Variants in CSMD3 observed in about 807,000 individuals in gnomAD.
The protein encoded by CSMD3 is CUB and sushi domain-containing protein 3.
CSMD3 carries 177 observed loss-of-function variants against 435.2 expected under a neutral mutation model. The observed-to-expected ratio is 0.41, with a 90% CI of 0.36 to 0.46. CSMD3 has a LOEUF of 0.46. Among genes scored for constraint, CSMD3 ranks in the 20% least tolerant of loss-of-function variants. The probability of loss-of-function intolerance (pLI) is 0.34; values close to 1 mark genes in which losing one functional copy is unlikely to be tolerated. For synonymous variants in CSMD3, 1,656 were observed against 1,520.5 expected, an observed-to-expected ratio of 1.09 and a Z score of -2.07; for missense variants, 4,265 against 4,504.6, an observed-to-expected ratio of 0.95 and a Z score of 1.52.
At chr8:112,282,071 C>T (rs989792929) in intron 58 of CSMD3, among the ~76,000 whole-genome samples, 13 of 152,086 alleles carry the variant, frequency 8.5e-5, no homozygotes, top group South Asian at 4.1e-4. Flanking sequence ...ATATATCAAA[C>T]GTAATACTTA....
intron 7 of CSMD3, among the ~76,000 whole-genome samples, chr8:112,966,616 C>A (rs1029970573): frequency 1.3e-5 from 2 of 151,458 alleles, no homozygotes; most frequent in African/African-American, 4.8e-5. Context: ...AAATAACAAC[C>A]ATTTTAAAGT....
chr8:113,355,928 G>A (rs1326837544), intron 1 of CSMD3, among the ~76,000 whole-genome samples: 2 of 150,456 alleles, frequency 1.3e-5, no homozygotes, highest in African/African-American at 4.9e-5. Context: ...CTGAGTAGAA[G>A]TGGAATTGTA....
At chr8:113,049,780 C>G (rs953040710) in intron 5 of CSMD3, among the ~76,000 whole-genome samples, 1 of 152,072 alleles carries the variant, frequency 6.6e-6, no homozygotes, top group African/African-American at 2.4e-5. Flanking sequence ...TATTTATTTT[C>G]TGTTTATAAT....
intron 13 of CSMD3, among the ~76,000 whole-genome samples, chr8:112,789,293 A>C (rs2078629086): frequency 6.6e-6 from 1 of 152,074 alleles, no homozygotes. Flanking sequence ...ATTGAGTGCA[A>C]TATTTTTGGA....
At chr8:112,833,592 C>A (rs1446324377) in intron 11 of CSMD3, among the ~76,000 whole-genome samples, 1 of 151,750 alleles carries the variant, frequency 6.6e-6, no homozygotes, top group African/African-American at 2.4e-5. Flanking sequence ...TCTTAACTTT[C>A]TTGGATATCT....
At chr8:112,893,322 T>C (rs1390442062) in intron 10 of CSMD3, among the ~76,000 whole-genome samples, 1 of 151,500 alleles carries the variant, frequency 6.6e-6, no homozygotes, top group Non-Finnish European at 1.5e-5. Flanking sequence ...AAGTCATTGA[T>C]TACCTGGTAA....
intron 4 of CSMD3, among the ~76,000 whole-genome samples, chr8:113,111,570 G>C (rs751951594): frequency 6.6e-6 from 1 of 152,124 alleles, no homozygotes; most frequent in African/African-American, 2.4e-5. Context: ...TGTGTGTTTA[G>C]TTCTATGCAA....
intron 11 of CSMD3, among the ~76,000 whole-genome samples, chr8:112,842,590 T>C (rs541803485): frequency 2.0e-5 from 3 of 151,916 alleles, no homozygotes; most frequent in South Asian, 4.2e-4. Flanking sequence ...GCATATCTCA[T>C]ATTATCCTTT....
In CSMD3 at chr8:112,269,466, T is replaced by C. The variant is rs117378636; in HGVS notation, c.9509-3876A>G. 3.3e-4 allele frequency among the ~76,000 whole-genome samples: 50 copies of C among 152,232 alleles called. No homozygotes were observed. The East Asian group carries it at 6.0e-3, about 18-fold the overall frequency. ...TCCAGTCAGTTTTCTAAAAATATCA[T>C]CCAAGAAAATGAATAAGCACATGTC... On this transcript the variant is annotated intron_variant, in intron 59 of 70. Coordinates refer to ENST00000297405, the MANE Select transcript of CSMD3 (RefSeq NM_198123.2).
chr8:113,227,066 G>A (rs1187329239), intron 3 of CSMD3, among the ~76,000 whole-genome samples: 1 of 151,426 alleles, frequency 6.6e-6, no homozygotes, highest in African/African-American at 2.4e-5. Flanking sequence ...ATAAGCAAAA[G>A]GACTTGCTCT....
At chr8:112,836,685 G>A (rs1211497549) in intron 11 of CSMD3, among the ~76,000 whole-genome samples, 1 of 151,834 alleles carries the variant, frequency 6.6e-6, no homozygotes, top group Non-Finnish European at 1.5e-5. Context: ...ATGTTGAGAT[G>A]TCCAGAACCT....
At chr8:113,052,219 C>T (rs1364622594) in intron 5 of CSMD3, among the ~76,000 whole-genome samples, 1 of 152,154 alleles carries the variant, frequency 6.6e-6, no homozygotes, top group African/African-American at 2.4e-5. Context: ...ATCTTTATTA[C>T]ATTAAAATTC....
Position 112,270,343 on chromosome 8 carries a change from A to AGTGTGTGTGTGT in CSMD3, c.9509-4765_9509-4754dup, listed in dbSNP as rs10577337. Among the ~76,000 whole-genome samples the AGTGTGTGTGTGT allele has an allele frequency of 8.2e-4, 102 of 124,310 alleles. 1 individual carries two copies. Among genetic ancestry groups the AGTGTGTGTGTGT allele is most frequent in the Non-Finnish European group, 1.4e-3 (83 of 57,282 alleles). The allele number at this position is 124,310 out of a possible 152,430, so 81.6% of individuals were successfully genotyped here. On this transcript the variant is annotated intron_variant, in intron 59 of 70. Transcript: ENST00000297405. ...AGAATTTCTAAAAAACAGAGGGGTGAGTGTGTGTGTGTGTGTGTGTGTGTG... is the reference window on the plus strand; with the variant it reads ...AGAATTTCTAAAAAACAGAGGGGTGAGTGTGTGTGTGTGTGTGTGTGTGTGTGTGTGTGTGTG...
At position 112,983,960 on chromosome 8, in the gene CSMD3, G is replaced by T. The variant is rs141115483; in HGVS notation, c.1031-7812C>A. ...AAAAACGTCTTACTTTCCTGCAACA[G>T]ACATTTTGTAGAGCATTTGGTATTC... On this transcript the variant is annotated intron_variant, in intron 6 of 70. Transcript: ENST00000297405. Among the ~76,000 whole-genome samples the T allele has an allele frequency of 6.6e-3, 1,004 of 152,078 alleles. 12 individuals are homozygous for T. The highest frequency in any genetic ancestry group is 0.023 in the African/African-American group (963 of 41,528).
chr8:112,236,318 T>C (rs770065184), intron 67 of CSMD3, among the ~76,000 whole-genome samples: 66 of 152,160 alleles, frequency 4.3e-4, no homozygotes, highest in Admixed American at 8.5e-4. Context: ...TTTTAAAAAA[T>C]GAGAGCAATT....
intron 5 of CSMD3, among the ~76,000 whole-genome samples, chr8:113,070,624 C>G (rs938615588): frequency 1.3e-5 from 2 of 151,882 alleles, no homozygotes; most frequent in African/African-American, 2.4e-5. Flanking sequence ...CACCTCTGAA[C>G]CCCGGCAACC....
intron 9 of CSMD3, among the ~76,000 whole-genome samples, chr8:112,927,127 T>A (rs1350514226): frequency 1.3e-5 from 2 of 152,162 alleles, no homozygotes; most frequent in Non-Finnish European, 2.9e-5. Context: ...ATTCTCTAAA[T>A]GTCTTTAAAC....
At chr8:112,634,907 C>T (rs992949764) in intron 22 of CSMD3, among the ~76,000 whole-genome samples, 1 of 151,854 alleles carries the variant, frequency 6.6e-6, no homozygotes, top group Non-Finnish European at 1.5e-5. Flanking sequence ...ACAAAAAAAT[C>T]ATAGTGCTAC....
chr8:112,269,815 A>G, intron 59 of CSMD3, among the ~76,000 whole-genome samples: 1 of 152,208 alleles, frequency 6.6e-6, no homozygotes, highest in Middle Eastern at 3.2e-3. Context: ...ATTATGCCAA[A>G]TATCTTTTTC....
Sources: allele counts gnomAD v4.1 joint callset (sites outside exome capture counted in the v4.1 genomes callset), GRCh38; gene constraint gnomAD v4.1.1; transcripts MANE v1.5; gene names NCBI Gene and HGNC (gene_info 2026-07-23, HGNC 2026-07-21).